The following GLMN variants were observed in gnomAD, a reference collection of about 807,000 sequenced individuals.
GLMN encodes glomulin, FKBP associated protein.
A neutral mutation model predicts 87.8 loss-of-function variants in GLMN; 75 were observed. That is an observed-to-expected ratio of 0.85 (90% CI 0.71 to 1.04). The LOEUF is 1.04. Among genes scored for constraint, GLMN ranks in the 50% least tolerant of loss-of-function variants. The pLI is 0.00. For missense variants in GLMN, 588 were observed against 658.8 expected (o/e 0.89, Z 1.18); for synonymous variants, 206 against 221.6 (o/e 0.93, Z 0.63).
rs974264327 is a variant in GLMN at position 92,267,983 on chromosome 1, A to G, written c.1028T>C (p.Leu343Ser). 2.5e-6 allele frequency: 4 copies of G among 1,569,346 alleles called. No individual in the cohort carries two copies. Among genetic ancestry groups the G allele is most frequent in the Non-Finnish European group, 3.5e-6 (4 of 1,139,372 alleles). ...TAGACTATTGTCTTCTATTCTCAAT[A>G]AACTATTCTCCAGCAGCTCCTACAG... is the stretch of plus-strand genomic sequence containing the variant. ...SKGLELLENS[L>S]LRIEDNSLLY... The change falls in exon 11 of 19, where the codon TTA (leucine) becomes TCA (serine). Residue 343 changes from leucine (L) to serine (S), a missense_variant. Coordinates refer to ENST00000370360, the MANE Select transcript of GLMN (RefSeq NM_053274.3).
At chr1:92,277,698 C>T (rs1009433943) in intron 7 of GLMN, among the ~76,000 whole-genome samples, 3 of 152,166 alleles carry the variant, frequency 2.0e-5, no homozygotes, top group South Asian at 2.1e-4. Flanking sequence ...GGAAGCTGAA[C>T]GCACGAAGTT....
chr1:92,339,850 G>C, the GLMN span, among the ~76,000 whole-genome samples: 1 of 151,668 alleles, frequency 6.6e-6, no homozygotes, highest in East Asian at 1.9e-4. Flanking sequence ...CTATTTTCTG[G>C]CTCTAAGTCC....
intron 7 of GLMN, among the ~76,000 whole-genome samples, chr1:92,271,950 T>C (rs986642499): frequency 6.6e-6 from 1 of 152,148 alleles, no homozygotes; most frequent in African/African-American, 2.4e-5. Flanking sequence ...GTCCAGGCCT[T>C]CCCTGAGAGT....
At chr1:92,292,726 T>G (rs1374035317) in intron 3 of GLMN, among the ~76,000 whole-genome samples, 2 of 140,826 alleles carry the variant, frequency 1.4e-5, no homozygotes, top group South Asian at 4.4e-4. Flanking sequence ...CCCCGTCTTT[T>G]CTTTTCTTTT....
chr1:92,306,749 G>A, the GLMN span, among the ~76,000 whole-genome samples: 3 of 152,130 alleles, frequency 2.0e-5, 1 homozygote, highest in African/African-American at 4.8e-5. Flanking sequence ...TGAAACCAGA[G>A]GATTACTTGA....
chr1:92,247,149 AAG>A lies in GLMN; in HGVS notation c.1586-7_1586-6del, dbSNP rs752038749. 2.1e-6 allele frequency: 3 copies of A among 1,437,704 alleles called. No individual in the cohort carries two copies. Among genetic ancestry groups the A allele is most frequent in the South Asian group, 2.3e-5 (2 of 87,472 alleles). 89.1% of individuals were successfully genotyped at this position (1,437,704 alleles called of 1,614,324 possible). ...GATCTTTAGATTTCTGGGCCTCTGT[AAG>A]AGAAGAAAAATCATGTGTGACACTT... On this transcript the variant is annotated splice_polypyrimidine_tract_variant and splice_region_variant and intron_variant, in intron 17 of 18. Coordinates refer to ENST00000370360, the MANE Select transcript of GLMN (RefSeq NM_053274.3).
At chr1:92,262,717 T>C (rs1209409424) in intron 16 of GLMN, 146 bp downstream of exon 16, 3 of 537,432 alleles carry the variant, frequency 5.6e-6, no homozygotes, top group Non-Finnish European at 1.0e-5. Context: ...GGGAATTAAC[T>C]TCAGGTTTCA....
intron 15 of GLMN, 46 bp from the exon 16 acceptor site, chr1:92,262,972 T>G: frequency 2.6e-6 from 2 of 773,966 alleles, no homozygotes; most frequent in South Asian, 2.8e-5. Flanking sequence ...TTTTATATAG[T>G]CAACAGCAAT....
At chr1:92,289,296 T>A in intron 5 of GLMN, 145 bp from the exon 6 acceptor site, 5 of 714,140 alleles carry the variant, frequency 7.0e-6, no homozygotes, top group Non-Finnish European at 1.0e-5. Flanking sequence ...TAATTGGCAG[T>A]GTTTTTTTCT....
the GLMN span, chr1:92,336,513 G>C: frequency 2.3e-6 from 2 of 862,416 alleles, no homozygotes; most frequent in Non-Finnish European, 1.9e-6. Flanking sequence ...GAGAAAGTAA[G>C]TGACTTACCT....
the GLMN span, among the ~76,000 whole-genome samples, chr1:92,345,462 A>AG: frequency 9.8e-6 from 1 of 102,298 alleles, no homozygotes; most frequent in Non-Finnish European, 1.9e-5. Flanking sequence ...GGACAGAGGG[A>AG]GGGAGGGAAA....
At chr1:92,254,609 A>G (rs1390711156) in intron 16 of GLMN, among the ~76,000 whole-genome samples, 3 of 151,618 alleles carry the variant, frequency 2.0e-5, no homozygotes, top group East Asian at 3.9e-4. Flanking sequence ...GTGGGGGCCA[A>G]TATCTTAAAA....
chr1:92,253,983 C>T (rs928158045), intron 16 of GLMN, among the ~76,000 whole-genome samples: 3 of 152,136 alleles, frequency 2.0e-5, no homozygotes, highest in Non-Finnish European at 4.4e-5. Context: ...GCTAAAGGAG[C>T]ATGTTCTAAC....
chr1:92,286,013 A>G (rs1648703498), intron 7 of GLMN, among the ~76,000 whole-genome samples: 1 of 152,052 alleles, frequency 6.6e-6, no homozygotes, highest in African/African-American at 2.4e-5. Context: ...AGTATGCAAA[A>G]ATTTAATTAC....
intron 1 of GLMN, 52 bp downstream of exon 1, chr1:92,298,873 A>C: frequency 5.0e-6 from 2 of 403,256 alleles, no homozygotes; most frequent in Non-Finnish European, 8.8e-6. Flanking sequence ...GCCGCGGCTC[A>C]CGGCCAACCG....
the GLMN span, among the ~76,000 whole-genome samples, chr1:92,309,214 G>T: frequency 6.6e-6 from 1 of 152,002 alleles, no homozygotes; most frequent in Non-Finnish European, 1.5e-5. Flanking sequence ...GAGGCCGAGG[G>T]GGGCAGATCA....
chr1:92,346,335 T>C, the GLMN span, among the ~76,000 whole-genome samples: 1 of 152,066 alleles, frequency 6.6e-6, no homozygotes, highest in Non-Finnish European at 1.5e-5. Flanking sequence ...GGCTAATTTT[T>C]GTATTTTTTG....
At chr1:92,299,073 C>G (rs777868633), upstream of GLMN, 104 of 1,504,690 alleles carry the variant, frequency 6.9e-5, no homozygotes, top group Non-Finnish European at 8.7e-5. Flanking sequence ...TACTCTCCCC[C>G]ATGGCGGACT....
chr1:92,283,191 G>C (rs1249526458), intron 7 of GLMN, among the ~76,000 whole-genome samples: 2 of 152,030 alleles, frequency 1.3e-5, no homozygotes, highest in East Asian at 3.9e-4. Flanking sequence ...GAATTTTAGG[G>C]CAATATCCTT....
Sources: allele counts gnomAD v4.1 joint callset (sites outside exome capture counted in the v4.1 genomes callset), GRCh38; gene constraint gnomAD v4.1.1; transcripts MANE v1.5; gene names NCBI Gene and HGNC (gene_info 2026-07-23, HGNC 2026-07-21).